The following MKLN1 variants were observed in gnomAD, a reference collection of about 807,000 sequenced individuals.
MKLN1 encodes the protein muskelin 1.
In MKLN1, 18 loss-of-function variants were observed where a neutral mutation model predicts 99.0. The ratio of observed to expected loss-of-function variants is 0.18; its 90% CI spans 0.13 to 0.27. The LOEUF is 0.27. MKLN1 is among the 10% of genes least tolerant of loss of function. The pLI is 1.00. For missense variants in MKLN1, 621 were observed against 875.9 expected (o/e 0.71, Z 3.67); for synonymous variants, 288 against 293.2 (o/e 0.98, Z 0.18).
At chr7:131,427,062 A>C (rs1216924518) in intron 8 of MKLN1, among the ~76,000 whole-genome samples, 1 of 152,164 alleles carries the variant, frequency 6.6e-6, no homozygotes, top group Non-Finnish European at 1.5e-5. Flanking sequence ...TTTGCAGATG[A>C]AAAAAACTAA....
rs11768820 is a variant in MKLN1 at position 131,481,813 on chromosome 7, C to A, written c.2086+3136C>A. 5.6e-3 allele frequency among the ~76,000 whole-genome samples: 613 copies of A among 109,048 alleles called. 5 individuals carry two copies. Among genetic ancestry groups the A allele is most frequent in the Middle Eastern group, 0.015 (3 of 200 alleles). 71.5% of individuals were successfully genotyped at this position (109,048 alleles called of 152,430 possible). A position where few individuals can be genotyped will look rare whatever the true frequency, so the allele number is the denominator to read the frequency against. ...TGAATATTTCATTTTCTAAGGTCTG[C>A]AAAAAAAAAAAAAAAAAAACCTCAG... is the stretch of plus-strand genomic sequence containing the variant. On this transcript the variant is annotated intron_variant, in intron 17 of 17. Coordinates refer to ENST00000352689, the MANE Select transcript of MKLN1 (RefSeq NM_013255.5).
chr7:131,434,281 A>T (rs944285339), intron 9 of MKLN1, among the ~76,000 whole-genome samples: 3 of 152,216 alleles, frequency 2.0e-5, no homozygotes, highest in Non-Finnish European at 4.4e-5. Flanking sequence ...AGCACTCTTA[A>T]GAGTTTTCAG....
intron 3 of MKLN1, among the ~76,000 whole-genome samples, chr7:131,232,883 A>G (rs1268922322): frequency 1.3e-5 from 2 of 151,940 alleles, no homozygotes; most frequent in Non-Finnish European, 2.9e-5. Context: ...ATTAATAATT[A>G]GGAAGAGAAA....
chr7:131,330,213 C>T (rs1455808318), intron 1 of MKLN1, among the ~76,000 whole-genome samples: 2 of 152,196 alleles, frequency 1.3e-5, no homozygotes, highest in Non-Finnish European at 2.9e-5. Context: ...TCCCCTCTAG[C>T]AGCAATTGTT....
chr7:131,187,104 G>A (rs1231589816), intron 2 of MKLN1, among the ~76,000 whole-genome samples: 2 of 152,232 alleles, frequency 1.3e-5, no homozygotes, highest in Admixed American at 1.3e-4. Flanking sequence ...TGTTAAATGA[G>A]TGTTTGAGAT....
intron 1 of MKLN1, among the ~76,000 whole-genome samples, chr7:131,120,244 G>A (rs1441122297): frequency 6.6e-6 from 1 of 150,534 alleles, no homozygotes; most frequent in African/African-American, 2.4e-5. Context: ...TTTTCTGTCA[G>A]GCCAGTTGCA....
intron 9 of MKLN1, among the ~76,000 whole-genome samples, chr7:131,436,072 A>G (rs1201488296): frequency 7.9e-5 from 12 of 152,206 alleles, no homozygotes; most frequent in African/African-American, 2.2e-4. Context: ...TATGGAGGCA[A>G]TCCTTTCTTA....
At chr7:131,130,275 C>T (rs974028644) in intron 1 of MKLN1, among the ~76,000 whole-genome samples, 5 of 152,170 alleles carry the variant, frequency 3.3e-5, no homozygotes, top group African/African-American at 1.2e-4. Context: ...GGTTGGGCAA[C>T]TATGCCAATT....
chr7:131,328,497 A>C (rs931484080), intron 1 of MKLN1, among the ~76,000 whole-genome samples: 1 of 152,148 alleles, frequency 6.6e-6, no homozygotes, highest in Non-Finnish European at 1.5e-5. Flanking sequence ...TTAGCTCTAG[A>C]GTAGTGTTAA....
intron 2 of MKLN1, among the ~76,000 whole-genome samples, chr7:131,200,307 C>G (rs540082807): frequency 6.6e-6 from 1 of 152,268 alleles, no homozygotes; most frequent in East Asian, 1.9e-4. Flanking sequence ...TCCCCTTCCT[C>G]ACTCCTAAAC....
chr7:131,392,224 CA>C (rs1379242823), intron 4 of MKLN1, among the ~76,000 whole-genome samples: 1 of 152,044 alleles, frequency 6.6e-6, no homozygotes, highest in African/African-American at 2.4e-5. Context: ...TGGAAGGATT[CA>C]GGGGGAGTCT....
intron 9 of MKLN1, among the ~76,000 whole-genome samples, chr7:131,436,209 C>T (rs954750259): frequency 3.9e-5 from 6 of 152,076 alleles, no homozygotes; most frequent in African/African-American, 1.4e-4. Flanking sequence ...AAATACTGTT[C>T]TTCCTGCCTA....
intron 3 of MKLN1, among the ~76,000 whole-genome samples, chr7:131,216,691 A>G (rs561598978): frequency 2.1e-4 from 32 of 152,336 alleles, no homozygotes; most frequent in African/African-American, 6.7e-4. Flanking sequence ...AATGTCTTTC[A>G]GGTCCTTGTG....
chr7:131,439,787 C>T (rs187427464), intron 10 of MKLN1, among the ~76,000 whole-genome samples: 266 of 151,894 alleles, frequency 1.8e-3, no homozygotes, highest in African/African-American at 6.2e-3. Context: ...AACATAGTGG[C>T]GGTTTAGTTC....
chr7:131,492,603 G>GT lies in MKLN1; in HGVS notation c.*4876dup, dbSNP rs889900076. The GT allele has an allele frequency of 1.3e-5, 2 of 151,966 alleles. No individual in the cohort carries two copies. Among genetic ancestry groups the GT allele is most frequent in the Non-Finnish European group, 2.9e-5 (2 of 68,072 alleles). 9.4% of individuals were successfully genotyped at this position (151,966 alleles called of 1,614,324 possible). ...TTTTGTTTTTTAGCCAGGTGTGGTG[G>GT]TATGTGCCTGTAGTCCCAGCTACTT... On this transcript the variant is annotated 3_prime_UTR_variant, in exon 18 of 18. Coordinates refer to ENST00000352689, the MANE Select transcript of MKLN1 (RefSeq NM_013255.5).
chr7:131,147,312 C>T (rs1422944527), intron 2 of MKLN1, among the ~76,000 whole-genome samples: 1 of 151,746 alleles, frequency 6.6e-6, no homozygotes, highest in Non-Finnish European at 1.5e-5. Flanking sequence ...CCCGCCTCGA[C>T]CTCCCAAAGG....
intron 3 of MKLN1, among the ~76,000 whole-genome samples, chr7:131,220,338 T>C (rs2116451062): frequency 6.6e-6 from 1 of 152,340 alleles, no homozygotes; most frequent in South Asian, 2.1e-4. Context: ...CCCCCATTTT[T>C]TTCTGTAACC....
chr7:131,335,794 A>G (rs546833646), intron 1 of MKLN1, among the ~76,000 whole-genome samples: 242 of 151,658 alleles, frequency 1.6e-3, no homozygotes, highest in Non-Finnish European at 2.8e-3. Flanking sequence ...CACTATGATT[A>G]GAGAACACAC....
chr7:131,461,091 T>C (rs1796500290), intron 12 of MKLN1, among the ~76,000 whole-genome samples: 1 of 152,194 alleles, frequency 6.6e-6, no homozygotes, highest in South Asian at 2.1e-4. Context: ...GTCCGTGATA[T>C]GGTGTAACCT....
Sources: allele counts gnomAD v4.1 joint callset (sites outside exome capture counted in the v4.1 genomes callset), GRCh38; gene constraint gnomAD v4.1.1; transcripts MANE v1.5; gene names NCBI Gene and HGNC (gene_info 2026-07-23, HGNC 2026-07-21).